The following TJP1 variants were observed in gnomAD, a reference collection of about 807,000 sequenced individuals.
TJP1 encodes the protein tight junction protein ZO-1.
Under a neutral mutation model 194.2 loss-of-function variants are expected in TJP1, and 43 were observed. The ratio of observed to expected loss-of-function variants is 0.22; its 90% CI spans 0.17 to 0.29. The LOEUF (loss-of-function observed/expected upper bound fraction) is 0.29. TJP1 is among the 10% of genes least tolerant of loss of function. TJP1 has a pLI of 1.00. For synonymous variants in TJP1, 801 were observed against 779.0 expected, an observed-to-expected ratio of 1.03 and a Z score of -0.47; for missense variants, 1,971 against 2,185.7, an observed-to-expected ratio of 0.90 and a Z score of 1.96.
At position 29,772,146 on chromosome 15, in the gene TJP1, A is replaced by G; in HGVS notation, c.230T>C (p.Met77Thr). ...GQLQENDRVA[M>T]VNGVSMDNVE... ...ATTATCCATTGAAACTCCGTTAACC[A>G]TTGCAACTCGGTCATTTTCCCTAAG... Residue 77 changes from methionine to threonine, a missense_variant, in exon 4 of 28, where the codon ATG (methionine) becomes ACG (threonine). By Grantham distance (81) the Met-to-Thr change is moderately conservative. Around this residue, in one of 5 missense-constraint regions of TJP1, gnomAD observed 245 missense variants for 336.6 expected, o/e 0.73. Coordinates refer to ENST00000614355, the MANE Select transcript of TJP1 (RefSeq NM_001330239.4). The G allele has an allele frequency of 3.1e-6, 5 of 1,601,348 alleles. No homozygotes were observed. The South Asian group carries it at 5.7e-5, about 18-fold the overall frequency.
chr15:29,881,830 T>G (rs962758449), intron 2 of TJP1, among the ~76,000 whole-genome samples: 1 of 152,048 alleles, frequency 6.6e-6, no homozygotes, highest in Non-Finnish European at 1.5e-5. Flanking sequence ...TCCCTAACAC[T>G]ACCTATATAC....
intron 2 of TJP1, among the ~76,000 whole-genome samples, chr15:29,877,336 G>A (rs1056865460): frequency 9.2e-5 from 14 of 151,854 alleles, no homozygotes; most frequent in African/African-American, 3.4e-4. Context: ...CCTGCTTCGG[G>A]GTCCTGAGTA....
At chr15:29,933,256 G>A (rs2054778376) in intron 2 of TJP1, among the ~76,000 whole-genome samples, 1 of 152,144 alleles carries the variant, frequency 6.6e-6, no homozygotes, top group South Asian at 2.1e-4. Context: ...AAAGAGGTGA[G>A]GTCTGGGGAT....
chr15:29,710,818 C>T lies in TJP1; in HGVS notation c.4372+13G>A, dbSNP rs2306438. The T allele has an allele frequency of 7.3e-4, 1,171 of 1,613,764 alleles. 13 individuals are homozygous for T. The East Asian group carries it at 0.02, about 27-fold the overall frequency. ...CATTACTGTGTTAAAATGTCTACTTCCGAACTTCCTACCTTCACCATGTGC... is the reference window on the plus strand; with the variant it reads ...CATTACTGTGTTAAAATGTCTACTTTCGAACTTCCTACCTTCACCATGTGC... On this transcript the variant is annotated intron_variant, in intron 24 of 27. Transcript: ENST00000614355.
At chr15:29,784,947 GTAGAT>G (rs2047606280) in intron 2 of TJP1, among the ~76,000 whole-genome samples, 1 of 152,090 alleles carries the variant, frequency 6.6e-6, no homozygotes, top group Non-Finnish European at 1.5e-5. Context: ...GTTGACAGAG[GTAGAT>G]TACTCTGAGG....
chr15:29,808,356 G>C (rs911354959), intron 1 of TJP1, among the ~76,000 whole-genome samples: 5 of 152,218 alleles, frequency 3.3e-5, no homozygotes, highest in African/African-American at 1.2e-4. Flanking sequence ...GTAACTCGAA[G>C]GGATGGAGGT....
chr15:29,762,328 A>G lies in TJP1; in HGVS notation c.693+7T>C, dbSNP rs1234542535. 1 of 1,605,078 alleles carries G rather than the reference A, an allele frequency of 6.2e-7. No homozygotes were observed. Among genetic ancestry groups the G allele is most frequent in the African/African-American group, 1.3e-5 (1 of 74,720 alleles). ...CAGTTCATTAAAAAGTAAGAATATG[A>G]TTATACCTTCAATACAACATCACCT... On this transcript the variant is annotated splice_region_variant and intron_variant, in intron 6 of 27. Coordinates refer to ENST00000614355, the MANE Select transcript of TJP1 (RefSeq NM_001330239.4).
At chr15:29,750,978 G>A (rs1264989391) in intron 8 of TJP1, among the ~76,000 whole-genome samples, 1 of 152,198 alleles carries the variant, frequency 6.6e-6, no homozygotes. Context: ...ATTTCAGCCT[G>A]GAAGGCTCTA....
chr15:29,799,024 T>A (rs1238723464), intron 2 of TJP1, among the ~76,000 whole-genome samples: 1 of 152,166 alleles, frequency 6.6e-6, no homozygotes, highest in Non-Finnish European at 1.5e-5. Context: ...AAAATAGGTG[T>A]TAAGAGAAAG....
At chr15:29,731,224 G>A (rs1375057480) in intron 15 of TJP1, among the ~76,000 whole-genome samples, 1 of 152,110 alleles carries the variant, frequency 6.6e-6, no homozygotes, top group South Asian at 2.1e-4. Context: ...AGTTTTGAGA[G>A]ACTTCCTCTT....
In TJP1 at chr15:29,761,706, T is replaced by C; in HGVS notation, c.757A>G (p.Lys253Glu). 3 of 1,605,470 alleles carry C rather than the reference T, an allele frequency of 1.9e-6. No individual in the cohort carries two copies. Among genetic ancestry groups the C allele is most frequent in the Non-Finnish European group, 2.6e-6 (3 of 1,173,036 alleles). Residue 253 changes from lysine (K) to glutamate (E), a missense_variant, in exon 7 of 28, where the codon AAA (lysine) becomes GAA (glutamate). By Grantham distance (56) the Lys-to-Glu change is moderately conservative. Coordinates refer to ENST00000614355, the MANE Select transcript of TJP1 (RefSeq NM_001330239.4). ...TDAKTLIERS[K>E]GKLKMVVQRD... ...TGAACTACCATTTTTAATTTGCCTT[T>C]AGACCTTTCTATCAATGTCTTTGCA...
rs985253040 is a variant in TJP1 at position 29,728,105 on chromosome 15, G to A, written c.2018-86C>T. The stretch of plus-strand genomic sequence containing the variant: ...CTCAACTACTGGCCACAACTGATAT[G>A]CCGGACTGGATAGTACTTTGTTTGT... On this transcript the variant is annotated intron_variant, in intron 15 of 27. Transcript: ENST00000614355. 5.5e-6 allele frequency: 6 copies of A among 1,083,378 alleles called. No homozygotes were observed. The African/African-American group carries it at 6.2e-5, about 11-fold the overall frequency. 67.1% of individuals were successfully genotyped at this position (1,083,378 alleles called of 1,614,324 possible).
At chr15:29,936,806 G>A (rs1247116817) in intron 2 of TJP1, among the ~76,000 whole-genome samples, 1 of 152,070 alleles carries the variant, frequency 6.6e-6, no homozygotes, top group Non-Finnish European at 1.5e-5. Flanking sequence ...CGCTCTACTG[G>A]GTTCATAAGA....
At chr15:29,925,059 C>A (rs2054483926) in intron 2 of TJP1, among the ~76,000 whole-genome samples, 1 of 152,094 alleles carries the variant, frequency 6.6e-6, no homozygotes. Flanking sequence ...CTTGTTGAAC[C>A]CACTCCAGTC....
intron 2 of TJP1, among the ~76,000 whole-genome samples, chr15:29,877,377 T>C (rs1383295657): frequency 1.3e-5 from 2 of 152,110 alleles, no homozygotes; most frequent in Non-Finnish European, 1.5e-5. Flanking sequence ...CCACCACACC[T>C]GAGTAATTTT....
chr15:29,913,963 T>G (rs1388772014), intron 2 of TJP1, among the ~76,000 whole-genome samples: 3 of 152,176 alleles, frequency 2.0e-5, no homozygotes, highest in Non-Finnish European at 4.4e-5. Context: ...AAAACAATCT[T>G]CAAAGCCTTT....
chr15:29,710,965 G>C lies in TJP1; in HGVS notation c.4238C>G (p.Ser1413Ter). The change falls in exon 24 of 28, where the codon TCA (serine) becomes TGA (stop). Residue 1413 changes from serine to a stop codon, truncating the protein, a stop_gained. Coordinates refer to ENST00000614355, the MANE Select transcript of TJP1 (RefSeq NM_001330239.4). LOFTEE classifies it high-confidence loss of function. The part of the protein sequence containing the change: ...KPPEADGVDR[S>*]FGEKRYEPIQ... ...GGGTTCATAGCGTTTCTCGCCAAAT[G>C]ATCTATCCACACCATCAGCTTCAGG... 1 of 1,613,858 alleles carries C rather than the reference G, an allele frequency of 6.2e-7. No individual in the cohort carries two copies. Among genetic ancestry groups the C allele is most frequent in the Non-Finnish European group, 8.5e-7 (1 of 1,179,930 alleles).
At chr15:29,938,023 A>G (rs946863607) in intron 2 of TJP1, among the ~76,000 whole-genome samples, 3 of 152,256 alleles carry the variant, frequency 2.0e-5, no homozygotes, top group African/African-American at 7.2e-5. Flanking sequence ...GTCCATCTTC[A>G]ACATTCTGCT....
In TJP1 at chr15:29,766,617, T is replaced by C. The variant is rs150830876; in HGVS notation, c.313-75A>G. ...ACGTTCAGTTCCAAAGAGAAAGGAA[T>C]ATTACACTTCTCATCCCATATTAAC... On this transcript the variant is annotated intron_variant, in intron 4 of 27. Transcript: ENST00000614355. 5,831 of 1,395,526 alleles carry C rather than the reference T, an allele frequency of 4.2e-3. 15 individuals are homozygous for C. Among genetic ancestry groups the C allele is most frequent in the Non-Finnish European group, 5.2e-3 (5,409 of 1,039,616 alleles). 86.4% of individuals were successfully genotyped at this position (1,395,526 alleles called of 1,614,324 possible). A position where few individuals can be genotyped will look rare whatever the true frequency, so the allele number is the denominator to read the frequency against.
Sources: gnomAD v4.1 joint callset for allele counts (sites outside exome capture counted in the v4.1 genomes callset) on GRCh38, gnomAD v4.1.1 for gene constraint, gnomAD v4.1.1 regional missense constraint, MANE v1.5 for transcripts, NCBI Gene and HGNC (gene_info 2026-07-23, HGNC 2026-07-21) for gene names.